Variants in DMD observed in about 807,000 individuals in gnomAD.
DMD encodes the protein mutant dystrophin.
DMD carries 63 observed loss-of-function variants against 330.1 expected under a neutral mutation model. That is an observed-to-expected ratio of 0.19 (90% CI 0.16 to 0.24). DMD has a LOEUF of 0.24. Ranked by LOEUF, DMD falls within the 10% of genes least tolerant of loss-of-function variation. The pLI, the probability that DMD is intolerant of heterozygous loss-of-function variation, is 1.00. For synonymous variants in DMD, 1,223 were observed against 959.8 expected (o/e 1.27, Z -5.07); for missense variants, 3,344 against 2,684.1 (o/e 1.25, Z -5.43).
chrX:32,364,978 G>A (rs372345571), intron 35 of DMD, 42 bp downstream of exon 35: 385 of 1,190,853 alleles, frequency 3.2e-4, no homozygotes, highest in Non-Finnish European at 3.8e-4. Flanking sequence ...TCTTTTTCTC[G>A]TGACAGAGAA....
At chrX:31,935,609 T>A (rs1477507069) in intron 45 of DMD, among the ~76,000 whole-genome samples, 2 of 111,661 alleles carry the variant, frequency 1.8e-5, no homozygotes, top group Non-Finnish European at 3.8e-5. Flanking sequence ...AATCATTGCC[T>A]CCATTACTAT....
At chrX:32,503,735 T>A (rs1222319889) in intron 18 of DMD, among the ~76,000 whole-genome samples, 1 of 110,594 alleles carries the variant, frequency 9.0e-6, no homozygotes, top group East Asian at 2.9e-4. Flanking sequence ...TTTGTATTTT[T>A]AGTAGAGACA....
chrX:31,133,020 T>C (rs17338346), intron 77 of DMD, among the ~76,000 whole-genome samples: 4,397 of 112,093 alleles, frequency 0.039, 142 homozygotes, highest in East Asian at 0.15. Flanking sequence ...CAGAACATTA[T>C]TGCTTTTAAT....
chrX:31,717,942 T>C (rs2085182796), intron 52 of DMD, among the ~76,000 whole-genome samples: 1 of 111,466 alleles, frequency 9.0e-6, no homozygotes, highest in Admixed American at 9.5e-5. Flanking sequence ...ATGGTTCCTG[T>C]ATGAAAGAGA....
chrX:31,898,124 C>A (rs1179711929), intron 47 of DMD, among the ~76,000 whole-genome samples: 1 of 110,025 alleles, frequency 9.1e-6, no homozygotes, highest in Non-Finnish European at 1.9e-5. Flanking sequence ...AAAGAGGATA[C>A]AAACAAATGG....
At chrX:32,690,137 A>C (rs890543489) in intron 9 of DMD, among the ~76,000 whole-genome samples, 1 of 110,952 alleles carries the variant, frequency 9.0e-6, no homozygotes, top group African/African-American at 3.3e-5. Flanking sequence ...CAGATGACAT[A>C]ATCTTATGAA....
Position 32,758,912 on chromosome X carries a change from A to G in DMD, c.649+50581T>C, listed in dbSNP as rs193010733. On this transcript the variant is annotated intron_variant, in intron 7 of 78. Coordinates refer to ENST00000357033, the MANE Select transcript of DMD (RefSeq NM_004006.3). ...AACAGACATGTAAAATGAAAAAAAT[A>G]AAAAAGATAAAATGCCCTCTTTTAC... is the stretch of plus-strand genomic sequence containing the variant. Among the ~76,000 whole-genome samples the G allele has an allele frequency of 8.0e-5, 9 of 111,928 alleles. No individual in the cohort carries two copies. The East Asian group carries it at 2.5e-3, about 32-fold the overall frequency.
At chrX:32,585,997 T>C (rs1201587249) in intron 13 of DMD, among the ~76,000 whole-genome samples, 4 of 110,970 alleles carry the variant, frequency 3.6e-5, no homozygotes, top group Non-Finnish European at 5.7e-5. Context: ...GTTAACTGTA[T>C]ACTTACAGCA....
intron 18 of DMD, among the ~76,000 whole-genome samples, chrX:32,509,075 G>A (rs758198559): frequency 9.1e-6 from 1 of 109,627 alleles, no homozygotes; most frequent in South Asian, 4.0e-4. Context: ...CTCCCAAAGT[G>A]CTGAGATTAC....
intron 34 of DMD, among the ~76,000 whole-genome samples, chrX:32,375,566 T>C (rs1431743411): frequency 8.9e-6 from 1 of 112,123 alleles, no homozygotes; most frequent in African/African-American, 3.2e-5. Flanking sequence ...AATGTAATCA[T>C]TACTTCTGTA....
intron 51 of DMD, among the ~76,000 whole-genome samples, chrX:31,756,301 T>A (rs1229064780): frequency 9.3e-6 from 1 of 107,795 alleles, no homozygotes; most frequent in Non-Finnish European, 1.9e-5. Context: ...TGAAGACTCA[T>A]AATAAAGCCT....
At chrX:32,439,074 T>C (rs930410728) in intron 28 of DMD, among the ~76,000 whole-genome samples, 1 of 111,884 alleles carries the variant, frequency 8.9e-6, no homozygotes, top group African/African-American at 3.2e-5. Context: ...CTAGATAATA[T>C]GATGAAAGTG....
At chrX:31,560,212 A>C (rs1387869614) in intron 55 of DMD, among the ~76,000 whole-genome samples, 1 of 111,882 alleles carries the variant, frequency 8.9e-6, no homozygotes, top group African/African-American at 3.2e-5. Flanking sequence ...CTTACAATGC[A>C]GATTCTGATT....
chrX:31,919,750 G>A (rs1304561166), intron 47 of DMD, among the ~76,000 whole-genome samples: 2 of 111,874 alleles, frequency 1.8e-5, no homozygotes, highest in Non-Finnish European at 3.8e-5. Flanking sequence ...CAATCAAAAG[G>A]GAGAAAAACC....
intron 1 of DMD, among the ~76,000 whole-genome samples, chrX:33,275,978 T>C (rs61142109): frequency 0.11 from 12,811 of 111,408 alleles, 634 homozygotes; most frequent in South Asian, 0.22. Flanking sequence ...AATTGTATGA[T>C]TGTTTTCTTT....
chrX:32,614,416 G>C lies in DMD; in HGVS notation c.1369C>G (p.Leu457Val). 8.3e-7 allele frequency: 1 copy of C among 1,207,213 alleles called. No homozygotes were observed. The highest frequency in any genetic ancestry group is 1.1e-6 in the Non-Finnish European group (1 of 892,611). ...RVLMDLQNQKLKELNDWLTKT... is the reference protein window; with the variant it reads ...RVLMDLQNQKVKELNDWLTKT... ...GTTAGCCAGTCATTCAACTCTTTCAGTTTCTGATTCTGGAGATCCATTAAA... is the reference window on the plus strand; with the variant it reads ...GTTAGCCAGTCATTCAACTCTTTCACTTTCTGATTCTGGAGATCCATTAAA... The change falls in exon 12 of 79, where the codon CTG (leucine) becomes GTG (valine). Residue 457 changes from leucine (L) to valine (V), a missense_variant. Leu to Val is a conservative substitution (Grantham distance 32, BLOSUM62 1). Coordinates refer to ENST00000357033, the MANE Select transcript of DMD (RefSeq NM_004006.3).
chrX:32,801,098 A>C (rs1336178520), intron 7 of DMD, among the ~76,000 whole-genome samples: 3 of 111,471 alleles, frequency 2.7e-5, no homozygotes, highest in Non-Finnish European at 5.6e-5. Context: ...TTGAGCAATC[A>C]CCACACTGTC....
At chrX:32,686,719 T>A (rs888375810) in intron 9 of DMD, among the ~76,000 whole-genome samples, 8 of 110,662 alleles carry the variant, frequency 7.2e-5, no homozygotes, top group Non-Finnish European at 1.1e-4. Flanking sequence ...AGAGAAAAGA[T>A]TAAAAATATT....
intron 5 of DMD, 51 bp from the exon 6 acceptor site, chrX:32,816,691 C>G (rs72470524): frequency 3.5e-5 from 40 of 1,133,018 alleles, no homozygotes; most frequent in Non-Finnish European, 4.8e-5. Context: ...TGAGCAAGAA[C>G]CATGCAAACT....
Sources: gnomAD v4.1 joint callset for allele counts (sites outside exome capture counted in the v4.1 genomes callset) on GRCh38, gnomAD v4.1.1 for gene constraint, MANE v1.5 for transcripts, NCBI Gene and HGNC (gene_info 2026-07-23, HGNC 2026-07-21) for gene names.